The following MRPL43 variants were observed in gnomAD, a reference collection of about 807,000 sequenced individuals.
MRPL43 encodes the protein mitochondrial ribosomal protein L43.
In MRPL43, 9 loss-of-function variants were observed where a neutral mutation model predicts 12.7. The observed-to-expected ratio is 0.71, with a 90% CI of 0.43 to 1.24. The LOEUF (loss-of-function observed/expected upper bound fraction) is 1.24. Among genes scored for constraint, MRPL43 ranks in the 50% most tolerant of loss-of-function variants. MRPL43 has a pLI of 0.00. For missense variants in MRPL43, 211 were observed against 229.2 expected, an observed-to-expected ratio of 0.92 and a Z score of 0.51; for synonymous variants, 116 against 96.4, an observed-to-expected ratio of 1.20 and a Z score of -1.19.
At chr10:100,981,571 A>G (rs1851076998), downstream of MRPL43, 1 of 1,612,854 alleles carries the variant, frequency 6.2e-7, no homozygotes, top group African/African-American at 1.3e-5. Context: ...GTTAATCATC[A>G]CAGCTAAGAT....
chr10:100,978,243 A>C (rs1345981324), downstream of MRPL43: 4 of 1,406,596 alleles, frequency 2.8e-6, no homozygotes, highest in Admixed American at 7.2e-5. Flanking sequence ...ACTTTGAGCC[A>C]CTGTCCCTGC....
downstream of MRPL43, chr10:100,985,154 TTCC>T (rs1851375586): frequency 2.4e-6 from 1 of 415,460 alleles, no homozygotes; most frequent in African/African-American, 2.0e-5. Flanking sequence ...AAGCATTTGC[TTCC>T]TCTAGACTAC....
chr10:100,981,530 G>T, downstream of MRPL43: 2 of 1,614,026 alleles, frequency 1.2e-6, no homozygotes, highest in South Asian at 2.2e-5. Context: ...AAGATCGGAT[G>T]ACTGAACTGA....
downstream of MRPL43, chr10:100,978,331 G>C: frequency 6.2e-7 from 1 of 1,613,724 alleles, no homozygotes; most frequent in Non-Finnish European, 8.5e-7. Flanking sequence ...CAGCTTCGAG[G>C]AGGGGAAGGA....
downstream of MRPL43, chr10:100,981,509 T>G: frequency 6.2e-7 from 1 of 1,614,186 alleles, no homozygotes; most frequent in South Asian, 1.1e-5. Context: ...GTAATGGGTA[T>G]TTCCCCAAGG....
chr10:100,978,563 G>A (rs751241762), downstream of MRPL43: 34 of 1,613,974 alleles, frequency 2.1e-5, no homozygotes, highest in Admixed American at 2.7e-4. Context: ...TATGAATTCC[G>A]GAGCATTCCT....
At chr10:100,980,620 T>C, downstream of MRPL43, 1 of 1,614,224 alleles carries the variant, frequency 6.2e-7, no homozygotes, top group Non-Finnish European at 8.5e-7. Context: ...GGCTCTGGGA[T>C]GCACATTATT....
chr10:100,978,014 A>G, downstream of MRPL43: 2 of 571,336 alleles, frequency 3.5e-6, no homozygotes, highest in Non-Finnish European at 6.2e-6. Flanking sequence ...TCCCCTGGAC[A>G]GCATGTGTTC....
chr10:100,977,955 A>C, downstream of MRPL43: 1 of 577,398 alleles, frequency 1.7e-6, no homozygotes, highest in Non-Finnish European at 3.1e-6. Flanking sequence ...CCTCCCCCTA[A>C]TCACCTCCAC....
chr10:100,984,979 A>G (rs987306998), downstream of MRPL43: 10 of 1,358,846 alleles, frequency 7.4e-6, no homozygotes, highest in Non-Finnish European at 9.7e-6. Flanking sequence ...TTCCACTCAC[A>G]TGCACCTCTG....
downstream of MRPL43, chr10:100,977,830 G>A (rs1002588925): frequency 1.9e-5 from 20 of 1,057,448 alleles, no homozygotes; most frequent in Non-Finnish European, 2.5e-5. Flanking sequence ...TGAAGGAGAC[G>A]GATGGTTTAT....
At chr10:100,983,306 GCCA>G (rs145835827), downstream of MRPL43, 16 of 1,532,494 alleles carry the variant, frequency 1.0e-5, no homozygotes, top group African/African-American at 4.1e-5. Flanking sequence ...ACCCCACAGG[GCCA>G]CCACCACCAC....
downstream of MRPL43, among the ~76,000 whole-genome samples, chr10:100,982,647 C>G (rs1260917690): frequency 6.6e-6 from 1 of 152,200 alleles, no homozygotes. Context: ...CAAAAACTAG[C>G]TGGGCATGGT....
downstream of MRPL43, chr10:100,985,202 C>G (rs1028300853): frequency 1.6e-4 from 50 of 315,854 alleles, no homozygotes; most frequent in Non-Finnish European, 2.9e-5. Flanking sequence ...GATGTCTCAA[C>G]TGGCACATGA....
In MRPL43 at chr10:100,986,327, T is replaced by C. The variant is rs1851461740; in HGVS notation, c.*407A>G. 1 of 1,429,708 alleles carries C rather than the reference T, an allele frequency of 7.0e-7. No individual in the cohort carries two copies. The highest frequency in any genetic ancestry group is 1.6e-5 in the South Asian group (1 of 64,452). The allele number at this position is 1,429,708 out of a possible 1,614,324, so 88.6% of individuals were successfully genotyped here. On this transcript the variant is annotated 3_prime_UTR_variant, in exon 3 of 3. Coordinates refer to ENST00000318364, the MANE Select transcript of MRPL43 (RefSeq NM_032112.3). The stretch of plus-strand genomic sequence containing the variant: ...TTTTATAAATCTGTATTCACACAGA[T>C]ATAAAGTGCCTAGCCCATCACAGCA...
chr10:100,983,271 G>A (rs749119871), downstream of MRPL43: 37 of 1,476,092 alleles, frequency 2.5e-5, no homozygotes, highest in Non-Finnish European at 2.9e-5. Flanking sequence ...TTCCTGGGAC[G>A]GGCTGGTACT....
downstream of MRPL43, chr10:100,985,294 C>A (rs956145941): frequency 3.4e-5 from 6 of 174,504 alleles, no homozygotes; most frequent in Admixed American, 5.7e-5. Flanking sequence ...CTCACCGGGG[C>A]ACTTTCAGGG....
chr10:100,983,916 C>T, downstream of MRPL43: 1 of 1,551,378 alleles, frequency 6.4e-7, no homozygotes, highest in Non-Finnish European at 8.7e-7. Flanking sequence ...CCCACCACCC[C>T]CACCGCCCCC....
chr10:100,979,015 CA>C, downstream of MRPL43: 4 of 1,613,942 alleles, frequency 2.5e-6, no homozygotes, highest in Non-Finnish European at 3.4e-6. Flanking sequence ...CTCGTGTCTG[CA>C]AGGTGGATTG....
Sources: gnomAD v4.1 joint callset for allele counts (sites outside exome capture counted in the v4.1 genomes callset) on GRCh38, gnomAD v4.1.1 for gene constraint, MANE v1.5 for transcripts, NCBI Gene and HGNC (gene_info 2026-07-23, HGNC 2026-07-21) for gene names.